Variants in SPIDR observed in about 807,000 individuals in gnomAD.
SPIDR encodes the protein scaffold protein involved in DNA repair.
In SPIDR, 93 loss-of-function variants were observed where a neutral mutation model predicts 104.6. The ratio of observed to expected loss-of-function variants is 0.89; its 90% confidence interval spans 0.75 to 1.06. The LOEUF (loss-of-function observed/expected upper bound fraction) is 1.06, where lower values mean the gene tolerates loss of function less well. SPIDR is among the 50% of genes least tolerant of loss of function. The pLI, the probability that SPIDR is intolerant of heterozygous loss-of-function variation, is 0.00. For synonymous variants in SPIDR, 431 were observed against 416.9 expected, an observed-to-expected ratio of 1.03 and a Z score of -0.41; for missense variants, 1,154 against 1,111.2, an observed-to-expected ratio of 1.04 and a Z score of -0.55.
At chr8:47,475,011 T>A (rs1420176475) in intron 8 of SPIDR, among the ~76,000 whole-genome samples, 2 of 152,254 alleles carry the variant, frequency 1.3e-5, no homozygotes, top group Non-Finnish European at 2.9e-5. Flanking sequence ...TATGTTGCTT[T>A]AAGCTCCTTT....
chr8:47,425,697 GTTA>G (rs1166848469), intron 7 of SPIDR, among the ~76,000 whole-genome samples: 5 of 151,914 alleles, frequency 3.3e-5, no homozygotes, highest in African/African-American at 1.2e-4. Flanking sequence ...ATTTCTTTAG[GTTA>G]TTATTGAAGT....
At chr8:47,533,961 A>G (rs998909790) in intron 8 of SPIDR, among the ~76,000 whole-genome samples, 3 of 152,204 alleles carry the variant, frequency 2.0e-5, no homozygotes, top group East Asian at 1.9e-4. Context: ...CTCACCTTGA[A>G]TTGTAATAAT....
intron 10 of SPIDR, among the ~76,000 whole-genome samples, chr8:47,670,568 T>C (rs2075660316): frequency 1.3e-5 from 2 of 152,032 alleles, no homozygotes; most frequent in South Asian, 4.1e-4. Context: ...TCTCATTCCA[T>C]TTTTTTTCCT....
At chr8:47,269,915 A>G (rs2034938932) in intron 1 of SPIDR, among the ~76,000 whole-genome samples, 1 of 152,172 alleles carries the variant, frequency 6.6e-6, no homozygotes, top group South Asian at 2.1e-4. Context: ...AATTGAGACA[A>G]TACTGTGGTT....
chr8:47,318,117 A>T (rs2045779182), intron 5 of SPIDR, among the ~76,000 whole-genome samples: 1 of 152,186 alleles, frequency 6.6e-6, no homozygotes, highest in Non-Finnish European at 1.5e-5. Flanking sequence ...GAGTTGAGAG[A>T]AGAAGGCTTC....
At chr8:47,575,593 G>C (rs1226970374) in intron 8 of SPIDR, among the ~76,000 whole-genome samples, 1 of 148,350 alleles carries the variant, frequency 6.7e-6, no homozygotes, top group Non-Finnish European at 1.5e-5. Context: ...CTTGCAGTGA[G>C]CCGAGATCGC....
intron 8 of SPIDR, among the ~76,000 whole-genome samples, chr8:47,463,310 G>A (rs1434710203): frequency 1.3e-5 from 2 of 148,916 alleles, no homozygotes; most frequent in East Asian, 2.0e-4. Flanking sequence ...GCAGTGAGCC[G>A]AGATCACACC....
intron 10 of SPIDR, among the ~76,000 whole-genome samples, chr8:47,606,307 C>A (rs975833162): frequency 1.3e-5 from 2 of 151,184 alleles, no homozygotes; most frequent in Admixed American, 1.3e-4. Flanking sequence ...ATCACGAGGT[C>A]AAGAGATCGA....
chr8:47,273,080 A>AG (rs1471978745), intron 1 of SPIDR, among the ~76,000 whole-genome samples: 2 of 152,162 alleles, frequency 1.3e-5, no homozygotes, highest in Non-Finnish European at 2.9e-5. Flanking sequence ...GTAGACACCA[A>AG]GTGGGTATCC....
At chr8:47,408,025 C>A (rs1303017224) in intron 7 of SPIDR, 64 bp downstream of exon 7, 4 of 859,050 alleles carry the variant, frequency 4.7e-6, no homozygotes, top group Non-Finnish European at 5.3e-6. Flanking sequence ...AGAATTCTTA[C>A]ATTAAAATAT....
At chr8:47,729,152 C>T (rs2154493950) in intron 18 of SPIDR, 105 bp downstream of exon 18, 4 of 1,540,696 alleles carry the variant, frequency 2.6e-6, no homozygotes, top group East Asian at 4.9e-5. Context: ...CCTGCAGAGG[C>T]GCTGGGACTC....
chr8:47,490,887 C>G (rs2078588826), intron 8 of SPIDR, among the ~76,000 whole-genome samples: 1 of 152,122 alleles, frequency 6.6e-6, no homozygotes, highest in Non-Finnish European at 1.5e-5. Context: ...ATGAGATATA[C>G]CTAATGTAAA....
intron 8 of SPIDR, among the ~76,000 whole-genome samples, chr8:47,580,051 G>A (rs1288682008): frequency 1.3e-5 from 2 of 152,204 alleles, no homozygotes; most frequent in South Asian, 2.1e-4. Context: ...TGTTTACCCT[G>A]TGGGGTTGTT....
intron 8 of SPIDR, among the ~76,000 whole-genome samples, chr8:47,542,603 C>A (rs2088436092): frequency 6.6e-6 from 1 of 152,030 alleles, no homozygotes; most frequent in Non-Finnish European, 1.5e-5. Context: ...GAGAGGCATC[C>A]AAGTGCAGAG....
intron 5 of SPIDR, among the ~76,000 whole-genome samples, chr8:47,346,189 G>T (rs1049347619): frequency 6.6e-6 from 1 of 152,078 alleles, no homozygotes; most frequent in East Asian, 1.9e-4. Context: ...GTTGAATTTT[G>T]TCAAAGGCCT....
chr8:47,282,075 C>A (rs1437849911), intron 2 of SPIDR, among the ~76,000 whole-genome samples: 5 of 152,184 alleles, frequency 3.3e-5, no homozygotes, highest in Non-Finnish European at 7.3e-5. Flanking sequence ...TGAAAGAAAT[C>A]TTTTTCTTCT....
At position 47,490,439 on chromosome 8, in the gene SPIDR, G is replaced by A. The variant is rs554799963; in HGVS notation, c.1097+49897G>A. 2.4e-3 allele frequency among the ~76,000 whole-genome samples: 365 copies of A among 152,310 alleles called. 1 individual carries two copies. Among genetic ancestry groups the A allele is most frequent in the African/African-American group, 8.4e-3 (348 of 41,558 alleles). On this transcript the variant is annotated intron_variant, in intron 8 of 19. Transcript: ENST00000297423. ...CAACCATTGTGGAAGACAGTGTGGC[G>A]ATTCCTCAAGGATCTAGAACTAGAA...
intron 8 of SPIDR, among the ~76,000 whole-genome samples, chr8:47,551,340 C>G (rs1056906969): frequency 3.3e-5 from 5 of 152,104 alleles, no homozygotes; most frequent in Admixed American, 2.0e-4. Context: ...GTTTCAGAAC[C>G]AATGGTACCA....
intron 5 of SPIDR, among the ~76,000 whole-genome samples, chr8:47,351,414 G>A (rs781956330): frequency 6.6e-6 from 1 of 152,164 alleles, no homozygotes; most frequent in Non-Finnish European, 1.5e-5. Context: ...TTTGAAGACC[G>A]AGTGGGATTT....
Sources: gnomAD v4.1 joint callset for allele counts (sites outside exome capture counted in the v4.1 genomes callset) on GRCh38, gnomAD v4.1.1 for gene constraint, MANE v1.5 for transcripts, NCBI Gene and HGNC (gene_info 2026-07-23, HGNC 2026-07-21) for gene names.